The following KHDRBS2 variants were observed in gnomAD, a reference collection of about 807,000 sequenced individuals.
KHDRBS2 encodes KH RNA binding domain containing, signal transduction associated 2, also known as KH domain-containing, RNA-binding, signal transduction-associated protein 2.
In KHDRBS2, 26 loss-of-function variants were observed where a neutral mutation model predicts 44.3. The ratio of observed to expected loss-of-function variants is 0.59; its 90% CI spans 0.43 to 0.81. The LOEUF (loss-of-function observed/expected upper bound fraction) is 0.81. Among genes scored for constraint, KHDRBS2 ranks in the 40% least tolerant of loss-of-function variants. The pLI is 0.00. For synonymous variants in KHDRBS2, 194 were observed against 151.1 expected (o/e 1.28, Z -2.08); for missense variants, 476 against 433.1 (o/e 1.10, Z -0.88).
chr6:61,774,944 T>C (rs1471071843), intron 6 of KHDRBS2, among the ~76,000 whole-genome samples: 1 of 152,104 alleles, frequency 6.6e-6, no homozygotes, highest in Non-Finnish European at 1.5e-5. Context: ...TCATCCACCA[T>C]GATCAAGTGG....
the KHDRBS2 span, among the ~76,000 whole-genome samples, chr6:61,586,122 C>T: frequency 6.6e-6 from 1 of 152,170 alleles, no homozygotes; most frequent in Non-Finnish European, 1.5e-5. Context: ...ACACCAGAAC[C>T]TTTGGATTTT....
intron 1 of KHDRBS2, among the ~76,000 whole-genome samples, chr6:62,242,853 A>AAT (rs1217126930): frequency 6.6e-6 from 1 of 152,152 alleles, no homozygotes; most frequent in Non-Finnish European, 1.5e-5. Context: ...ATCCAATCCA[A>AAT]ATCTGGCCCA....
intron 1 of KHDRBS2, among the ~76,000 whole-genome samples, chr6:62,267,589 T>A (rs1408322099): frequency 2.6e-5 from 4 of 151,962 alleles, no homozygotes. Flanking sequence ...GAATAGAAAG[T>A]GGAGCACGTA....
At chr6:61,890,778 C>T (rs1007603516) in intron 6 of KHDRBS2, among the ~76,000 whole-genome samples, 1 of 151,196 alleles carries the variant, frequency 6.6e-6, no homozygotes, top group Non-Finnish European at 1.5e-5. Context: ...CAGGGCTAGT[C>T]CCTGAGTTTT....
chr6:61,629,744 A>G, the KHDRBS2 span, among the ~76,000 whole-genome samples: 2 of 152,232 alleles, frequency 1.3e-5, no homozygotes, highest in Non-Finnish European at 2.9e-5. Context: ...TGAATTTTAA[A>G]GTGTAGAACA....
intron 2 of KHDRBS2, among the ~76,000 whole-genome samples, chr6:62,049,760 G>C (rs1419373708): frequency 6.6e-6 from 1 of 152,034 alleles, no homozygotes; most frequent in Non-Finnish European, 1.5e-5. Flanking sequence ...ATGCCAGTTA[G>C]AATGGCAATT....
At chr6:62,234,875 C>T (rs1159905677) in intron 1 of KHDRBS2, among the ~76,000 whole-genome samples, 1 of 151,680 alleles carries the variant, frequency 6.6e-6, no homozygotes, top group Non-Finnish European at 1.5e-5. Flanking sequence ...AGAGTAAGTC[C>T]CATGAGGTTC....
At chr6:61,640,651 G>C in the KHDRBS2 span, among the ~76,000 whole-genome samples, 1 of 152,064 alleles carries the variant, frequency 6.6e-6, no homozygotes, top group South Asian at 2.1e-4. Flanking sequence ...TGACCCAAAA[G>C]GATTTACTCT....
intron 2 of KHDRBS2, among the ~76,000 whole-genome samples, chr6:62,085,346 A>G (rs1224294756): frequency 6.6e-6 from 1 of 152,148 alleles, no homozygotes. Flanking sequence ...TGAGATATAA[A>G]AAGCATAGGA....
intron 4 of KHDRBS2, among the ~76,000 whole-genome samples, chr6:61,953,544 C>T (rs1434865417): frequency 6.6e-6 from 1 of 151,996 alleles, no homozygotes; most frequent in Admixed American, 6.6e-5. Flanking sequence ...AGCATTTTGA[C>T]ATAGCTGCTC....
chr6:61,822,740 T>G (rs1790140964), intron 6 of KHDRBS2, among the ~76,000 whole-genome samples: 1 of 152,038 alleles, frequency 6.6e-6, no homozygotes, highest in African/African-American at 2.4e-5. Context: ...CAATGTAGTC[T>G]TACAAACAAG....
chr6:61,660,124 C>G, the KHDRBS2 span, among the ~76,000 whole-genome samples: 2 of 151,824 alleles, frequency 1.3e-5, no homozygotes, highest in African/African-American at 4.8e-5. Context: ...CCTAAAACAA[C>G]AGGCGTAAAC....
intron 1 of KHDRBS2, among the ~76,000 whole-genome samples, chr6:62,199,573 T>G (rs567207291): frequency 1.2e-3 from 179 of 152,046 alleles, no homozygotes; most frequent in African/African-American, 4.0e-3. Context: ...CACTGCTCAA[T>G]GAAATAAAAG....
intron 4 of KHDRBS2, among the ~76,000 whole-genome samples, chr6:61,912,756 G>C (rs543287178): frequency 7.6e-4 from 115 of 152,132 alleles, no homozygotes; most frequent in Non-Finnish European, 1.3e-3. Context: ...CTGCAAAATA[G>C]ACATACATAG....
chr6:61,871,482 C>T (rs533938139), intron 6 of KHDRBS2, among the ~76,000 whole-genome samples: 1 of 152,248 alleles, frequency 6.6e-6, no homozygotes, highest in South Asian at 2.1e-4. Context: ...GACAGAATAA[C>T]ATTCAAATTC....
At chr6:61,952,006 A>G (rs1764854578) in intron 4 of KHDRBS2, among the ~76,000 whole-genome samples, 1 of 152,082 alleles carries the variant, frequency 6.6e-6, no homozygotes. Flanking sequence ...AATTATACTA[A>G]AAAGTTTGCA....
chr6:62,077,412 A>T (rs3846821), intron 2 of KHDRBS2, among the ~76,000 whole-genome samples: 89,352 of 151,794 alleles, frequency 0.59, 26,605 homozygotes, highest in Non-Finnish European at 0.62. Flanking sequence ...TGTTGCAGTC[A>T]AGGACTCAGG....
intron 4 of KHDRBS2, among the ~76,000 whole-genome samples, chr6:61,945,419 T>G (rs2127379665): frequency 6.6e-6 from 1 of 151,838 alleles, no homozygotes; most frequent in South Asian, 2.1e-4. Flanking sequence ...TTATTACCAC[T>G]TCTCCATCTG....
intron 3 of KHDRBS2, among the ~76,000 whole-genome samples, chr6:62,021,025 T>A (rs1562657907): frequency 6.6e-6 from 1 of 152,022 alleles, no homozygotes; most frequent in South Asian, 2.1e-4. Context: ...ATGGTACATA[T>A]AAACCATGAA....
Sources: allele counts gnomAD v4.1 joint callset (sites outside exome capture counted in the v4.1 genomes callset), GRCh38; gene constraint gnomAD v4.1.1; transcripts MANE v1.5; gene names NCBI Gene and HGNC (gene_info 2026-07-23, HGNC 2026-07-21).